The following NRG1 variants were observed in gnomAD, a reference collection of about 807,000 sequenced individuals.
NRG1 encodes pro-neuregulin-1, membrane-bound isoform.
In NRG1, 18 loss-of-function variants were observed where a neutral mutation model predicts 63.8. That is an observed-to-expected ratio of 0.28 (90% CI 0.19 to 0.42). The LOEUF (loss-of-function observed/expected upper bound fraction) is 0.42. Ranked by LOEUF, NRG1 falls within the 10% of genes least tolerant of loss-of-function variation. NRG1 has a pLI of 1.00. For missense variants in NRG1, 762 were observed against 814.7 expected, an observed-to-expected ratio of 0.94 and a Z score of 0.79; for synonymous variants, 302 against 301.3, an observed-to-expected ratio of 1.00 and a Z score of -0.02.
intron 1 of NRG1, among the ~76,000 whole-genome samples, chr8:32,472,528 A>G (rs184931498): frequency 4.8e-4 from 73 of 152,308 alleles, no homozygotes; most frequent in African/African-American, 1.7e-3. Flanking sequence ...CATTTAGTAC[A>G]CATTCATCTT....
intron 5 of NRG1, among the ~76,000 whole-genome samples, chr8:32,666,402 A>T (rs1380719990): frequency 6.6e-6 from 1 of 152,190 alleles, no homozygotes; most frequent in African/African-American, 2.4e-5. Context: ...GAAACTGTAT[A>T]TATGAAAAGA....
At chr8:32,651,062 T>C (rs1460355349) in intron 5 of NRG1, among the ~76,000 whole-genome samples, 1 of 152,196 alleles carries the variant, frequency 6.6e-6, no homozygotes, top group East Asian at 1.9e-4. Flanking sequence ...TTTTATTTTA[T>C]AAATACTAGA....
chr8:31,643,687 C>T (rs1040244139), intron 1 of NRG1, among the ~76,000 whole-genome samples: 10 of 152,170 alleles, frequency 6.6e-5, no homozygotes, highest in African/African-American at 2.2e-4. Context: ...GCTCACTGAA[C>T]GACCTAAGAA....
At chr8:31,851,339 T>A (rs1827193408) in intron 1 of NRG1, among the ~76,000 whole-genome samples, 1 of 152,214 alleles carries the variant, frequency 6.6e-6, no homozygotes, top group Non-Finnish European at 1.5e-5. Flanking sequence ...TTATTGTATC[T>A]GTAAAAATTG....
At chr8:32,136,373 C>G (rs947704997) in intron 1 of NRG1, among the ~76,000 whole-genome samples, 1 of 152,176 alleles carries the variant, frequency 6.6e-6, no homozygotes, top group Non-Finnish European at 1.5e-5. Flanking sequence ...ACTTCAACCA[C>G]TGCTATTGTC....
At chr8:32,475,768 T>C (rs1302157146) in intron 1 of NRG1, among the ~76,000 whole-genome samples, 1 of 152,174 alleles carries the variant, frequency 6.6e-6, no homozygotes, top group Non-Finnish European at 1.5e-5. Flanking sequence ...GAAAAGAAGA[T>C]GGGACTTAGA....
intron 1 of NRG1, among the ~76,000 whole-genome samples, chr8:32,391,619 G>A (rs1313449070): frequency 6.6e-6 from 1 of 152,184 alleles, no homozygotes; most frequent in East Asian, 1.9e-4. Context: ...GTGGTATTTG[G>A]TTTTCCATTC....
At chr8:31,673,205 A>G (rs1807340368) in intron 1 of NRG1, among the ~76,000 whole-genome samples, 1 of 152,114 alleles carries the variant, frequency 6.6e-6, no homozygotes. Context: ...CTGATTTAGT[A>G]GATTTGGTGG....
intron 1 of NRG1, among the ~76,000 whole-genome samples, chr8:32,229,404 G>A (rs1011190423): frequency 6.6e-6 from 1 of 152,112 alleles, no homozygotes; most frequent in Non-Finnish European, 1.5e-5. Flanking sequence ...CAAGATGAAC[G>A]AGTGAACAAC....
At chr8:31,967,639 G>C (rs1333106985) in intron 1 of NRG1, among the ~76,000 whole-genome samples, 1 of 152,180 alleles carries the variant, frequency 6.6e-6, no homozygotes, top group African/African-American at 2.4e-5. Flanking sequence ...GGCAGGGTGA[G>C]GAAGGAACAG....
chr8:32,625,821 G>T (rs113689470), intron 5 of NRG1, among the ~76,000 whole-genome samples: 4,443 of 137,760 alleles, frequency 0.032, 137 homozygotes, highest in African/African-American at 0.086. Flanking sequence ...TTGAGACGGA[G>T]TCTAGCTCCG....
intron 1 of NRG1, among the ~76,000 whole-genome samples, chr8:31,996,196 T>C (rs1028818835): frequency 1.3e-5 from 2 of 151,912 alleles, no homozygotes; most frequent in Non-Finnish European, 2.9e-5. Context: ...TTCATAAAAT[T>C]TATACAGTCT....
intron 1 of NRG1, among the ~76,000 whole-genome samples, chr8:31,825,764 A>G (rs938660229): frequency 6.6e-6 from 1 of 152,204 alleles, no homozygotes; most frequent in Non-Finnish European, 1.5e-5. Flanking sequence ...TTGCCATTAC[A>G]TTTAGAGGCA....
chr8:32,090,615 C>T (rs546466241), intron 1 of NRG1, among the ~76,000 whole-genome samples: 19 of 152,278 alleles, frequency 1.2e-4, no homozygotes, highest in South Asian at 8.3e-4. Context: ...GCCACTGCAC[C>T]GGTCCAGGAC....
At chr8:32,547,589 A>AC (rs1491376213), upstream of NRG1, among the ~76,000 whole-genome samples, 136 of 117,504 alleles carry the variant, frequency 1.2e-3, no homozygotes, top group African/African-American at 3.7e-3. Flanking sequence ...GGCACTTACT[A>AC]AACACACACA....
At chr8:32,011,242 A>G (rs117594955) in intron 1 of NRG1, among the ~76,000 whole-genome samples, 2,106 of 152,140 alleles carry the variant, frequency 0.014, 16 homozygotes, top group Middle Eastern at 0.037. Flanking sequence ...ATCTGCAGGT[A>G]TTTTTCAAAT....
intron 1 of NRG1, among the ~76,000 whole-genome samples, chr8:32,239,304 A>T (rs1307528516): frequency 1.3e-5 from 2 of 151,316 alleles, no homozygotes; most frequent in African/African-American, 4.9e-5. Flanking sequence ...TACTGGAGCA[A>T]TTGGATATCC....
chr8:32,222,430 T>C (rs1446759834), intron 1 of NRG1, among the ~76,000 whole-genome samples: 1 of 152,070 alleles, frequency 6.6e-6, no homozygotes, highest in African/African-American at 2.4e-5. Context: ...ACTATATGCA[T>C]GGTATAATTT....
intron 1 of NRG1, among the ~76,000 whole-genome samples, chr8:32,275,544 G>A (rs1852004852): frequency 6.6e-6 from 1 of 152,086 alleles, no homozygotes; most frequent in Non-Finnish European, 1.5e-5. Flanking sequence ...GGAGAGAGTG[G>A]ATGAAAGAGC....
Sources: gnomAD v4.1 joint callset for allele counts (sites outside exome capture counted in the v4.1 genomes callset) on GRCh38, gnomAD v4.1.1 for gene constraint, MANE v1.5 for transcripts, NCBI Gene and HGNC (gene_info 2026-07-23, HGNC 2026-07-21) for gene names.